PHLDB2: variants seen among roughly 807,000 people sequenced by gnomAD.
PHLDB2 encodes pleckstrin homology like domain family B member 2.
A neutral mutation model predicts 123.6 loss-of-function variants in PHLDB2; 71 were observed. That is an observed-to-expected ratio of 0.57 (90% CI 0.47 to 0.70). PHLDB2 has a LOEUF of 0.70. PHLDB2 is among the 30% of genes least tolerant of loss of function. The pLI is 0.00. For synonymous variants in PHLDB2, 547 were observed against 541.6 expected (o/e 1.01, Z -0.14); for missense variants, 1,446 against 1,519.5 (o/e 0.95, Z 0.80).
chr3:111,860,451 TC>T (rs1027550213), intron 1 of PHLDB2, among the ~76,000 whole-genome samples: 1 of 152,200 alleles, frequency 6.6e-6, no homozygotes, highest in African/African-American at 2.4e-5. Context: ...TTTCTCCAGC[TC>T]CCTGCGCGGC....
intron 2 of PHLDB2, among the ~76,000 whole-genome samples, chr3:111,851,602 C>G (rs1208171098): frequency 6.6e-6 from 1 of 152,164 alleles, no homozygotes. Context: ...TTATTAAAGT[C>G]TTTAAATGTT....
At chr3:111,808,528 G>C (rs2061697837) in intron 1 of PHLDB2, among the ~76,000 whole-genome samples, 1 of 151,686 alleles carries the variant, frequency 6.6e-6, no homozygotes. Flanking sequence ...TGGATTCAGA[G>C]GGTACACATG....
Position 111,872,954 on chromosome 3 carries a change from A to C in PHLDB2, c.-14-11110A>C, listed in dbSNP as rs1034846091. ...CTGATGGTAAATCTCTAAATGCAGA[A>C]CCTTTTATACATTCTAAACAGGACC... On this transcript the variant is annotated intron_variant, in intron 1 of 17. Transcript: ENST00000431670. Among the ~76,000 whole-genome samples, 7 of 152,336 alleles carry C rather than the reference A, an allele frequency of 4.6e-5. No homozygotes were observed. The East Asian group carries it at 1.2e-3, about 25-fold the overall frequency.
intron 1 of PHLDB2, among the ~76,000 whole-genome samples, chr3:111,760,968 C>T (rs1015078107): frequency 2.0e-5 from 3 of 151,914 alleles, no homozygotes; most frequent in Non-Finnish European, 4.4e-5. Context: ...GGGTGGATCA[C>T]GAGGTCAGGT....
intron 2 of PHLDB2, among the ~76,000 whole-genome samples, chr3:111,893,344 A>T (rs7640773): frequency 1.3e-5 from 2 of 151,468 alleles, no homozygotes; most frequent in South Asian, 4.2e-4. Flanking sequence ...TGGCCCTTCC[A>T]TTTGCTACAT....
Position 111,932,271 on chromosome 3 carries a change from G to A in PHLDB2, c.2004G>A (p.Glu668=), listed in dbSNP as rs1381544490. 6.4e-7 allele frequency: 1 copy of A among 1,550,640 alleles called. No individual in the cohort carries two copies. Residue 668 remains glutamate, a splice_region_variant and synonymous_variant, in exon 6 of 18, where the codon GAG becomes GAA. Transcript: ENST00000431670. ...EKNIVGEKTK[E]KVKLDAEREK... Reference sequence around the variant, plus strand: ...ATTTTCTGGTTTCTGAACTTCAGGAGAAGGTAAAGCTTGATGCTGAAAGGG... The same window carrying A: ...ATTTTCTGGTTTCTGAACTTCAGGAAAAGGTAAAGCTTGATGCTGAAAGGG...
At chr3:111,870,339 G>A (rs968321601) in intron 1 of PHLDB2, among the ~76,000 whole-genome samples, 25 of 152,198 alleles carry the variant, frequency 1.6e-4, no homozygotes, top group African/African-American at 6.0e-4. Flanking sequence ...GGTTGAGGAG[G>A]ATATAAGAAT....
intron 8 of PHLDB2, 135 bp from the exon 9 acceptor site, chr3:111,945,133 C>A: frequency 3.1e-6 from 2 of 651,648 alleles, no homozygotes; most frequent in Non-Finnish European, 5.4e-6. Flanking sequence ...GAAATTTTGA[C>A]TGAGTATGAT....
At chr3:111,943,870 G>C (rs1433474898) in intron 8 of PHLDB2, among the ~76,000 whole-genome samples, 1 of 152,066 alleles carries the variant, frequency 6.6e-6, no homozygotes, top group Non-Finnish European at 1.5e-5. Flanking sequence ...TCCACTTCTA[G>C]ATATTTACAC....
intron 1 of PHLDB2, among the ~76,000 whole-genome samples, chr3:111,781,220 T>G (rs563424497): frequency 6.6e-6 from 1 of 152,096 alleles, no homozygotes; most frequent in Non-Finnish European, 1.5e-5. Flanking sequence ...TTATGTCTGA[T>G]GAACTCTATT....
chr3:111,929,443 C>T (rs1283028805), intron 5 of PHLDB2, among the ~76,000 whole-genome samples: 2 of 152,132 alleles, frequency 1.3e-5, no homozygotes, highest in East Asian at 3.8e-4. Context: ...TAATATTTTA[C>T]ATTTAAAAAG....
intron 1 of PHLDB2, among the ~76,000 whole-genome samples, chr3:111,792,077 G>A (rs2060950495): frequency 6.6e-6 from 1 of 152,040 alleles, no homozygotes; most frequent in African/African-American, 2.4e-5. Flanking sequence ...AACATACAAT[G>A]TTTGTCTATA....
At chr3:111,803,729 G>A (rs1250852803) in intron 1 of PHLDB2, among the ~76,000 whole-genome samples, 2 of 152,162 alleles carry the variant, frequency 1.3e-5, no homozygotes, top group Admixed American at 1.3e-4. Flanking sequence ...ACCTCATTGA[G>A]CGTTACTTCC....
chr3:111,905,644 C>A (rs1413120213), intron 2 of PHLDB2, among the ~76,000 whole-genome samples: 1 of 152,166 alleles, frequency 6.6e-6, no homozygotes, highest in Non-Finnish European at 1.5e-5. Context: ...GCGTGAGCCA[C>A]CACACCCTAC....
At chr3:111,894,926 G>A (rs1238379112) in intron 2 of PHLDB2, among the ~76,000 whole-genome samples, 1 of 119,104 alleles carries the variant, frequency 8.4e-6, no homozygotes, top group Non-Finnish European at 1.9e-5. Flanking sequence ...CAAATTGCTG[G>A]TTTGCGTGTG....
chr3:111,742,035 T>C (rs2059612752), intron 1 of PHLDB2, among the ~76,000 whole-genome samples: 1 of 152,216 alleles, frequency 6.6e-6, no homozygotes, highest in South Asian at 2.1e-4. Flanking sequence ...TTGGTTAGAT[T>C]GTATGCTGAG....
intron 1 of PHLDB2, among the ~76,000 whole-genome samples, chr3:111,864,246 C>G (rs1268201741): frequency 6.6e-6 from 1 of 152,188 alleles, no homozygotes; most frequent in African/African-American, 2.4e-5. Context: ...TCTGGCCATT[C>G]TTGTTACTGT....
chr3:111,919,115 C>T lies in PHLDB2; in HGVS notation c.1763C>T (p.Ala588Val). 1 of 1,613,994 alleles carries T rather than the reference C, an allele frequency of 6.2e-7. No homozygotes were observed. The highest frequency in any genetic ancestry group is 8.5e-7 in the Non-Finnish European group (1 of 1,179,872). ...GAAGAACAGAGATCTCAGGAGTTGGCTGCAATGGAAGAAACCCGGATAGTC... is the reference window on the plus strand; with the variant it reads ...GAAGAACAGAGATCTCAGGAGTTGGTTGCAATGGAAGAAACCCGGATAGTC... The part of the protein sequence containing the change: ...ISEEQRSQEL[A>V]AMEETRIVIL... The change falls in exon 4 of 18, where the codon GCT (alanine) becomes GTT (valine). Residue 588 changes from alanine to valine, a missense_variant. Transcript: ENST00000431670.
upstream of PHLDB2, among the ~76,000 whole-genome samples, chr3:111,857,834 G>C (rs1411142048): frequency 1.3e-5 from 2 of 152,218 alleles, no homozygotes; most frequent in African/African-American, 2.4e-5. Flanking sequence ...GGAGAAATGG[G>C]AACGCTTTTA....
Sources: allele counts gnomAD v4.1 joint callset (sites outside exome capture counted in the v4.1 genomes callset), GRCh38; gene constraint gnomAD v4.1.1; transcripts MANE v1.5; gene names NCBI Gene and HGNC (gene_info 2026-07-23, HGNC 2026-07-21).